The following CADM2 variants were observed in gnomAD, a reference collection of about 807,000 sequenced individuals.
CADM2 encodes immunoglobulin superfamily member 4D.
Under a neutral mutation model 49.8 loss-of-function variants are expected in CADM2, and 12 were observed. That is an observed-to-expected ratio of 0.24 (90% CI 0.15 to 0.39). The LOEUF (loss-of-function observed/expected upper bound fraction) is 0.39, where lower values mean the gene tolerates loss of function less well. Among genes scored for constraint, CADM2 ranks in the 10% least tolerant of loss-of-function variants. The probability of loss-of-function intolerance (pLI) is 1.00; values close to 1 mark genes in which losing one functional copy is unlikely to be tolerated. For synonymous variants in CADM2, 214 were observed against 175.4 expected, an observed-to-expected ratio of 1.22 and a Z score of -1.74; for missense variants, 378 against 492.3, an observed-to-expected ratio of 0.77 and a Z score of 2.20.
chr3:85,672,724 G>A (rs972705554), intron 1 of CADM2, among the ~76,000 whole-genome samples: 2 of 151,974 alleles, frequency 1.3e-5, no homozygotes, highest in Non-Finnish European at 2.9e-5. Context: ...TATAACACAA[G>A]CATAAAAATA....
At chr3:84,996,046 A>G (rs2033162556) in intron 1 of CADM2, among the ~76,000 whole-genome samples, 1 of 152,314 alleles carries the variant, frequency 6.6e-6, no homozygotes, top group Non-Finnish European at 1.5e-5. Context: ...CAAATGTACA[A>G]GATCTTTCAA....
chr3:85,073,399 T>G (rs770975900), intron 1 of CADM2, among the ~76,000 whole-genome samples: 1 of 152,154 alleles, frequency 6.6e-6, no homozygotes, highest in Admixed American at 6.6e-5. Context: ...CATGCTACAA[T>G]GTACATACAG....
rs1467974103 is a variant in CADM2, at chr3:85,544,137, T to C, written c.62-182385T>C. Among the ~76,000 whole-genome samples the C allele has an allele frequency of 3.3e-5, 5 of 152,256 alleles. No individual in the cohort carries two copies. The East Asian group carries it at 9.7e-4, about 29-fold the overall frequency. ...TGTCAAGTAAGACACAGGCAAATAA[T>C]GACACCTTGTTTTGAGAGAGGATGT... is the stretch of plus-strand genomic sequence containing the variant. On this transcript the variant is annotated intron_variant, in intron 1 of 9. Transcript: ENST00000383699.
intron 8 of CADM2, among the ~76,000 whole-genome samples, chr3:86,024,862 C>CATT (rs1446667999): frequency 2.0e-5 from 3 of 151,326 alleles, no homozygotes; most frequent in Non-Finnish European, 4.4e-5. Flanking sequence ...TGTATCTTTA[C>CATT]ATTATTATTA....
intron 1 of CADM2, among the ~76,000 whole-genome samples, chr3:85,431,230 T>C (rs2036648629): frequency 6.6e-6 from 1 of 152,146 alleles, no homozygotes; most frequent in East Asian, 1.9e-4. Context: ...TCTAGTTTTA[T>C]GTAAGAACAC....
chr3:85,002,054 T>A (rs1175780315), intron 1 of CADM2, among the ~76,000 whole-genome samples: 1 of 152,148 alleles, frequency 6.6e-6, no homozygotes, highest in East Asian at 1.9e-4. Flanking sequence ...TTATTCTACA[T>A]TATGATGTTA....
At chr3:85,543,420 A>ATGTGTGTGGGGGGTGTGTGTGTG (rs372108050) in intron 1 of CADM2, among the ~76,000 whole-genome samples, 1 of 129,584 alleles carries the variant, frequency 7.7e-6, no homozygotes, top group Non-Finnish European at 1.7e-5. Context: ...TGCCAAGCTA[A>ATGTGTGTGGGGGGTGTGTGTGTG]TGTGTGTGTG....
chr3:85,722,012 G>T (rs1329267010), intron 1 of CADM2, among the ~76,000 whole-genome samples: 1 of 151,388 alleles, frequency 6.6e-6, no homozygotes, highest in East Asian at 2.0e-4. Flanking sequence ...CTACGGGCAG[G>T]TTGTCACATA....
At chr3:85,001,557 T>G (rs1472873163) in intron 1 of CADM2, among the ~76,000 whole-genome samples, 2 of 152,072 alleles carry the variant, frequency 1.3e-5, no homozygotes, top group East Asian at 3.9e-4. Context: ...AAGTGATATT[T>G]TTTGCTCACC....
intron 1 of CADM2, among the ~76,000 whole-genome samples, chr3:85,281,485 T>C (rs1559757250): frequency 6.6e-6 from 1 of 152,060 alleles, no homozygotes; most frequent in African/African-American, 2.4e-5. Context: ...TGGATAAATG[T>C]AACATCTAAT....
At chr3:85,487,769 CGTGCGTGTGTGT>C (rs1291812486) in intron 1 of CADM2, among the ~76,000 whole-genome samples, 1 of 150,318 alleles carries the variant, frequency 6.7e-6, no homozygotes, top group Non-Finnish European at 1.5e-5. Flanking sequence ...TGTGTGTGTG[CGTGCGTGTGTGT>C]GTGATGGGAA....
At chr3:85,327,949 C>G (rs1422515533) in intron 1 of CADM2, among the ~76,000 whole-genome samples, 1 of 152,152 alleles carries the variant, frequency 6.6e-6, no homozygotes, top group Non-Finnish European at 1.5e-5. Context: ...AAACCTTAAA[C>G]ATAATATTAA....
At chr3:85,370,598 T>C (rs1451490830) in intron 1 of CADM2, among the ~76,000 whole-genome samples, 1 of 152,138 alleles carries the variant, frequency 6.6e-6, no homozygotes, top group Admixed American at 6.5e-5. Context: ...GCATATACAA[T>C]TATGTACAGT....
At chr3:85,637,427 C>A (rs1264066360) in intron 1 of CADM2, among the ~76,000 whole-genome samples, 10 of 148,332 alleles carry the variant, frequency 6.7e-5, no homozygotes, top group African/African-American at 1.7e-4. Flanking sequence ...AAGGTGAAAC[C>A]CCGTCTCTAC....
chr3:85,642,885 C>G (rs2064764473), intron 1 of CADM2, among the ~76,000 whole-genome samples: 1 of 152,054 alleles, frequency 6.6e-6, no homozygotes. Context: ...GACATTTTTC[C>G]CTGAAATTAA....
At chr3:85,058,529 C>T (rs1017548159) in intron 1 of CADM2, among the ~76,000 whole-genome samples, 6 of 152,136 alleles carry the variant, frequency 3.9e-5, no homozygotes, top group Non-Finnish European at 7.3e-5. Flanking sequence ...ACCACACCCT[C>T]TGTCTCCTGG....
chr3:85,642,030 G>A (rs760729464), intron 1 of CADM2, among the ~76,000 whole-genome samples: 38 of 151,834 alleles, frequency 2.5e-4, no homozygotes, highest in Non-Finnish European at 3.4e-4. Flanking sequence ...AAAACAGAAC[G>A]ACCTCACAGG....
At chr3:85,966,410 G>A (rs1725479423) in intron 8 of CADM2, among the ~76,000 whole-genome samples, 1 of 151,452 alleles carries the variant, frequency 6.6e-6, no homozygotes, top group Non-Finnish European at 1.5e-5. Context: ...CCCTATGTGA[G>A]TGTTAAAATT....
chr3:85,685,855 A>G (rs1203119409), intron 1 of CADM2, among the ~76,000 whole-genome samples: 1 of 150,306 alleles, frequency 6.7e-6, no homozygotes, highest in African/African-American at 2.5e-5. Context: ...CGAACTCCTG[A>G]CCTCGTGATC....
Sources: allele counts gnomAD v4.1 joint callset (sites outside exome capture counted in the v4.1 genomes callset), GRCh38; gene constraint gnomAD v4.1.1; transcripts MANE v1.5; gene names NCBI Gene and HGNC (gene_info 2026-07-23, HGNC 2026-07-21).